The following PCDH11X variants were observed in gnomAD, a reference collection of about 807,000 sequenced individuals.
The protein encoded by PCDH11X is protocadherin 11 X-linked, also known as protocadherin-11 X-linked.
In PCDH11X, 18 loss-of-function variants were observed where a neutral mutation model predicts 53.3. The observed-to-expected ratio is 0.34, with a 90% confidence interval of 0.23 to 0.50. The LOEUF (loss-of-function observed/expected upper bound fraction) is 0.50, where lower values mean the gene tolerates loss of function less well. Ranked by LOEUF, PCDH11X falls within the 20% of genes least tolerant of loss-of-function variation. PCDH11X has a pLI of 0.98. For missense variants in PCDH11X, 570 were observed against 1,032.4 expected (o/e 0.55, Z 6.14); for synonymous variants, 279 against 393.3 (o/e 0.71, Z 3.44).
At chrX:92,092,295 A>G (rs919333958) in intron 6 of PCDH11X, among the ~76,000 whole-genome samples, 28 of 111,771 alleles carry the variant, frequency 2.5e-4, no homozygotes, top group Non-Finnish European at 3.9e-4. Flanking sequence ...CACTGAAGAC[A>G]CCAGCCTTAC....
At chrX:92,056,236 T>G (rs1327904439) in intron 6 of PCDH11X, among the ~76,000 whole-genome samples, 4 of 111,676 alleles carry the variant, frequency 3.6e-5, no homozygotes, top group Non-Finnish European at 7.5e-5. Context: ...CACTCTGGTG[T>G]GAGATGGTAT....
chrX:92,262,444 T>C (rs1166797228), intron 7 of PCDH11X, among the ~76,000 whole-genome samples: 2 of 111,490 alleles, frequency 1.8e-5, no homozygotes, highest in Admixed American at 9.6e-5. Context: ...TCTATATGCT[T>C]CTGGTATCTT....
rs868225025 is a variant in PCDH11X, at chrX:92,147,992, T to C, written c.3034-53383T>C. ...TCCTTCCTTCCTTCCTTCCTTTCTT[T>C]CTTTCTTTCTTTCTTTTTCTTTCCT... is the stretch of plus-strand genomic sequence containing the variant. On this transcript the variant is annotated intron_variant, in intron 6 of 10. Coordinates refer to ENST00000682573, the MANE Select transcript of PCDH11X (RefSeq NM_032968.5). Among the ~76,000 whole-genome samples the C allele has an allele frequency of 3.0e-3, 254 of 84,321 alleles. 6 individuals carry two copies. The highest frequency in any genetic ancestry group is 0.015 in the African/African-American group (239 of 16,269). The allele number at this position is 84,321 out of a possible 115,157, so 73.2% of individuals were successfully genotyped here. A position where few individuals can be genotyped will look rare whatever the true frequency, so the allele number is the denominator to read the frequency against.
chrX:92,062,789 G>A (rs1427394355), intron 6 of PCDH11X, among the ~76,000 whole-genome samples: 1 of 111,403 alleles, frequency 9.0e-6, no homozygotes, highest in Non-Finnish European at 1.9e-5. Flanking sequence ...ACAGTGTGGC[G>A]ATTCCTCAAG....
At chrX:91,924,693 T>A (rs1161905579) in intron 6 of PCDH11X, among the ~76,000 whole-genome samples, 1 of 111,722 alleles carries the variant, frequency 9.0e-6, no homozygotes. Flanking sequence ...GGCTTTGTTT[T>A]TTGTGGGACT....
chrX:92,005,734 T>C (rs999158077), intron 6 of PCDH11X, among the ~76,000 whole-genome samples: 14 of 112,033 alleles, frequency 1.2e-4, no homozygotes, highest in South Asian at 1.1e-3. Flanking sequence ...TGCTTATTAA[T>C]GTCCTTTTCT....
chrX:92,371,643 A>AATAC (rs2070626735), intron 8 of PCDH11X, among the ~76,000 whole-genome samples: 1 of 106,785 alleles, frequency 9.4e-6, no homozygotes. Flanking sequence ...TGAGTATATC[A>AATAC]CAGTGAACAA....
At chrX:92,067,880 T>G (rs1479305901) in intron 6 of PCDH11X, among the ~76,000 whole-genome samples, 3 of 111,491 alleles carry the variant, frequency 2.7e-5, no homozygotes, top group African/African-American at 9.8e-5. Flanking sequence ...TTCTTCATGA[T>G]TCCATGTTGG....
At chrX:91,786,474 A>AAGGG (rs1935338081) in intron 1 of PCDH11X, among the ~76,000 whole-genome samples, 4 of 87,969 alleles carry the variant, frequency 4.5e-5, no homozygotes, top group African/African-American at 1.7e-4. Flanking sequence ...TCTTTTAAAA[A>AAGGG]TCCTTAAGTG....
intron 10 of PCDH11X, among the ~76,000 whole-genome samples, chrX:92,593,009 G>A (rs1925192331): frequency 9.0e-6 from 1 of 110,524 alleles, no homozygotes; most frequent in Non-Finnish European, 1.9e-5. Context: ...TGAATAATAA[G>A]CGCTTAGATC....
chrX:92,254,789 A>G (rs1433464735), intron 7 of PCDH11X, among the ~76,000 whole-genome samples: 15 of 109,798 alleles, frequency 1.4e-4, no homozygotes, highest in Non-Finnish European at 2.5e-4. Flanking sequence ...TCTGGCTTGT[A>G]GGGTTTCTGC....
intron 6 of PCDH11X, among the ~76,000 whole-genome samples, chrX:92,086,957 C>T (rs2063962765): frequency 9.1e-6 from 1 of 109,717 alleles, no homozygotes; most frequent in Admixed American, 9.8e-5. Context: ...ATACACTCAC[C>T]AGACTATGGA....
At chrX:92,147,594 G>C (rs1208454050) in intron 6 of PCDH11X, among the ~76,000 whole-genome samples, 3 of 109,677 alleles carry the variant, frequency 2.7e-5, no homozygotes, top group Non-Finnish European at 5.7e-5. Flanking sequence ...CAGAGAACTC[G>C]ATTGAAGTTT....
chrX:91,908,148 T>C (rs771695887), intron 6 of PCDH11X, among the ~76,000 whole-genome samples: 5 of 111,681 alleles, frequency 4.5e-5, no homozygotes, highest in Admixed American at 1.9e-4. Flanking sequence ...AAGCAATTGC[T>C]ACAGAAGCAA....
chrX:92,236,029 C>A (rs945618560), intron 7 of PCDH11X, among the ~76,000 whole-genome samples: 1 of 111,748 alleles, frequency 8.9e-6, no homozygotes, highest in Middle Eastern at 4.6e-3. Flanking sequence ...TAAAAATTAT[C>A]TATTTTTCAT....
chrX:91,831,079 C>A (rs963864617), intron 4 of PCDH11X, among the ~76,000 whole-genome samples: 7 of 111,712 alleles, frequency 6.3e-5, no homozygotes, highest in African/African-American at 2.3e-4. Context: ...AGCTCCCTTA[C>A]CTACTCAGAG....
chrX:92,453,685 A>G (rs1452550392), intron 9 of PCDH11X, among the ~76,000 whole-genome samples: 2 of 111,011 alleles, frequency 1.8e-5, no homozygotes, highest in Non-Finnish European at 3.8e-5. Context: ...GAGACAGTGT[A>G]TGATCTACAT....
At chrX:92,347,523 G>T (rs768386608) in intron 8 of PCDH11X, among the ~76,000 whole-genome samples, 51 of 111,912 alleles carry the variant, frequency 4.6e-4, no homozygotes, top group Non-Finnish European at 8.1e-4. Flanking sequence ...GGGTAGAAAT[G>T]AATTCTCTAA....
rs758216719 is a variant in PCDH11X, at chrX:91,868,391, G to A, written c.541-8390G>A. Among the ~76,000 whole-genome samples, 98 of 111,474 alleles carry A rather than the reference G, an allele frequency of 8.8e-4. 1 individual carries two copies. Among genetic ancestry groups the A allele is most frequent in the Middle Eastern group, 9.2e-3 (2 of 217 alleles). ...AGAGGCCATGGGACACAGAAGAAAT[G>A]GCCTTCTCATGTGATAGAGAAACTG... On this transcript the variant is annotated intron_variant, in intron 5 of 10. Transcript: ENST00000682573.
Sources: gnomAD v4.1 joint callset for allele counts (sites outside exome capture counted in the v4.1 genomes callset) on GRCh38, gnomAD v4.1.1 for gene constraint, MANE v1.5 for transcripts, NCBI Gene and HGNC (gene_info 2026-07-23, HGNC 2026-07-21) for gene names.